MYO7A: variants seen among roughly 807,000 people sequenced by gnomAD.
The protein encoded by MYO7A is unconventional myosin-VIIa.
A neutral mutation model predicts 263.8 loss-of-function variants in MYO7A; 210 were observed. That is an observed-to-expected ratio of 0.80 (90% CI 0.71 to 0.89). MYO7A has a LOEUF of 0.89. Ranked by LOEUF, MYO7A falls within the 40% of genes least tolerant of loss-of-function variation. The pLI is 0.00. For synonymous variants in MYO7A, 1,239 were observed against 1,197.3 expected, an observed-to-expected ratio of 1.03 and a Z score of -0.72; for missense variants, 2,820 against 2,968.3, an observed-to-expected ratio of 0.95 and a Z score of 1.16.
intron 2 of MYO7A, among the ~76,000 whole-genome samples, chr11:77,136,653 A>G (rs1199811008): frequency 6.6e-6 from 1 of 152,252 alleles, no homozygotes; most frequent in Non-Finnish European, 1.5e-5. Context: ...ACAGGCACCA[A>G]TCTAGGTGCA....
At chr11:77,182,317 C>G in intron 24 of MYO7A, 107 bp from the exon 25 acceptor site, 1 of 1,448,320 alleles carries the variant, frequency 6.9e-7, no homozygotes, top group Non-Finnish European at 9.2e-7. Context: ...TGAGGGCTGA[C>G]CATGCGGGAG....
At chr11:77,140,275 A>G (rs1951127389) in intron 2 of MYO7A, among the ~76,000 whole-genome samples, 1 of 152,110 alleles carries the variant, frequency 6.6e-6, no homozygotes, top group Non-Finnish European at 1.5e-5. Context: ...GCTTGCCTTC[A>G]GGGCCCTTGA....
At chr11:77,136,902 T>G (rs1417641323) in intron 2 of MYO7A, among the ~76,000 whole-genome samples, 1 of 152,232 alleles carries the variant, frequency 6.6e-6, no homozygotes, top group African/African-American at 2.4e-5. Context: ...GGTACCATCC[T>G]TATCTGTGCC....
At chr11:77,204,555 C>A (rs935994701) in intron 39 of MYO7A, among the ~76,000 whole-genome samples, 12 of 152,254 alleles carry the variant, frequency 7.9e-5, no homozygotes, top group Admixed American at 7.8e-4. Context: ...CCAGCTCAGT[C>A]AAGTGTCCCC....
chr11:77,193,309 GT>G (rs1956362865), intron 31 of MYO7A, among the ~76,000 whole-genome samples: 2 of 144,164 alleles, frequency 1.4e-5, no homozygotes, highest in South Asian at 4.2e-4. Context: ...TGATGACAGT[GT>G]TGTGGGTAGT....
intron 14 of MYO7A, among the ~76,000 whole-genome samples, chr11:77,165,287 A>G (rs1378980389): frequency 6.6e-6 from 1 of 152,070 alleles, no homozygotes; most frequent in Non-Finnish European, 1.5e-5. Flanking sequence ...CCCCTCTGGC[A>G]TCTGCAGTCC....
At position 77,208,904 on chromosome 11, in the gene MYO7A, G is replaced by A. The variant is rs374357307; in HGVS notation, c.6051+101G>A. 35 of 941,826 alleles carry A rather than the reference G, an allele frequency of 3.7e-5. No homozygotes were observed. The East Asian group carries it at 4.0e-4, about 11-fold the overall frequency. The allele number at this position is 941,826 out of a possible 1,614,324, so 58.3% of individuals were successfully genotyped here. On this transcript the variant is annotated intron_variant, in intron 44 of 48. Transcript: ENST00000409709. ...ACTGACCTTGCCAGGTGTGGGGCCC[G>A]TACCAGCCTGGCCTCAAAGGGATTC...
In MYO7A at chr11:77,147,961, C is replaced by CCCCG. The variant is rs1555054912; in HGVS notation, c.285+16_285+19dup. 1.2e-5 allele frequency: 18 copies of CCCCG among 1,534,994 alleles called. No homozygotes were observed. The highest frequency in any genetic ancestry group is 1.6e-5 in the Non-Finnish European group (18 of 1,138,918). On this transcript the variant is annotated intron_variant, in intron 4 of 48. Coordinates refer to ENST00000409709, the MANE Select transcript of MYO7A (RefSeq NM_000260.4). ...GACCACCTCATCTACGTGAGTGCCG[C>CCCCG]CCCGCCCGGTGCCCGTCCAGGCCCC... is the stretch of plus-strand genomic sequence containing the variant.
intron 35 of MYO7A, 107 bp from the exon 36 acceptor site, chr11:77,201,341 G>C (rs1436268341): frequency 8.9e-7 from 1 of 1,120,304 alleles, no homozygotes; most frequent in African/African-American, 1.5e-5. Context: ...TGGAGGCAGA[G>C]TGGCAAGTGG....
chr11:77,205,742 A>G (rs1957407570), intron 40 of MYO7A, 125 bp downstream of exon 40: 1 of 1,290,762 alleles, frequency 7.7e-7, no homozygotes, highest in Admixed American at 2.2e-5. Flanking sequence ...GGGTACCTCA[A>G]CTGCCAGCTA....
intron 41 of MYO7A, among the ~76,000 whole-genome samples, chr11:77,206,493 G>GCTGGCTTTGCA (rs557180497): frequency 6.6e-6 from 1 of 152,194 alleles, no homozygotes; most frequent in African/African-American, 2.4e-5. Flanking sequence ...CTCCCTCTGA[G>GCTGGCTTTGCA]CTGGCTTTGC....
chr11:77,172,224 T>C (rs1591335787), intron 15 of MYO7A, among the ~76,000 whole-genome samples: 1 of 152,226 alleles, frequency 6.6e-6, no homozygotes, highest in South Asian at 2.1e-4. Context: ...GATGGATAGA[T>C]GGCATCACCT....
chr11:77,191,983 G>A, intron 30 of MYO7A, 68 bp from the exon 31 acceptor site: 1 of 1,393,358 alleles, frequency 7.2e-7, no homozygotes, highest in Non-Finnish European at 9.9e-7. Flanking sequence ...CTGACCGTTG[G>A]CCCCGTTGAG....
In MYO7A at chr11:77,130,571, T is replaced by A; in HGVS notation, c.-46-18T>A. ...GGCTGGCCTGCCCAGAAGCATGACATGGTCTCTCTCCCTGCAGAACTGTGC... is the reference window on the plus strand; with the variant it reads ...GGCTGGCCTGCCCAGAAGCATGACAAGGTCTCTCTCCCTGCAGAACTGTGC... On this transcript the variant is annotated intron_variant, in intron 1 of 48. Coordinates refer to ENST00000409709, the MANE Select transcript of MYO7A (RefSeq NM_000260.4). The A allele has an allele frequency of 6.3e-7, 1 of 1,596,264 alleles. No individual in the cohort carries two copies. The highest frequency in any genetic ancestry group is 1.1e-5 in the South Asian group (1 of 88,240).
chr11:77,210,472 C>T (rs768847454), intron 44 of MYO7A, among the ~76,000 whole-genome samples: 4 of 151,958 alleles, frequency 2.6e-5, no homozygotes, highest in Non-Finnish European at 5.9e-5. Flanking sequence ...GTAGATAGAC[C>T]CATAACCACA....
At chr11:77,188,306 G>C (rs1199413660) in intron 27 of MYO7A, among the ~76,000 whole-genome samples, 5 of 152,178 alleles carry the variant, frequency 3.3e-5, no homozygotes, top group Admixed American at 2.6e-4. Flanking sequence ...CTGAGACTTT[G>C]CCCTCCTACT....
chr11:77,172,922 T>C, intron 16 of MYO7A, 37 bp downstream of exon 16: 1 of 1,530,706 alleles, frequency 6.5e-7, no homozygotes, highest in Non-Finnish European at 8.8e-7. Flanking sequence ...GGGTGGCGGC[T>C]AGGGTGACGT....
rs575422466 is a variant in MYO7A at position 77,138,620 on chromosome 11, G to A, written c.19-4089G>A. ...GGCCGCGGCTGCCCTTTCCTAGGAG[G>A]AGAGGTTTTGCATCTGGGAAACCCA... On this transcript the variant is annotated intron_variant, in intron 2 of 48. Transcript: ENST00000409709. The surrounding 1 kb of genome is among the most constrained non-coding windows in gnomAD (Gnocchi z 4.9). 8.4e-4 allele frequency among the ~76,000 whole-genome samples: 128 copies of A among 152,326 alleles called. No homozygotes were observed. The highest frequency in any genetic ancestry group is 3.1e-3 in the African/African-American group (128 of 41,590).
In MYO7A at chr11:77,142,694, C is replaced by G. The variant is rs781834347; in HGVS notation, c.19-15C>G. 3.1e-6 allele frequency: 5 copies of G among 1,595,698 alleles called. No individual in the cohort carries two copies. In the East Asian group the frequency reaches 9.0e-5, roughly 29 times the overall value. On this transcript the variant is annotated splice_polypyrimidine_tract_variant and intron_variant, in intron 2 of 48. Transcript: ENST00000409709. ...CTCCCTGCTCACCTGGGCTGAGACT[C>G]TCTCTCGCCCATAGGGGGACCATGT... is the stretch of plus-strand genomic sequence containing the variant.
Sources: allele counts gnomAD v4.1 joint callset (sites outside exome capture counted in the v4.1 genomes callset), GRCh38; gene constraint gnomAD v4.1.1; non-coding constraint Gnocchi (gnomAD v3.1); transcripts MANE v1.5; gene names NCBI Gene and HGNC (gene_info 2026-07-23, HGNC 2026-07-21).